Variants in FUCA1 observed in about 807,000 individuals in gnomAD.
FUCA1 encodes the protein alpha-L-fucosidase 1.
Under a neutral mutation model 56.8 loss-of-function variants are expected in FUCA1, and 52 were observed. The ratio of observed to expected loss-of-function variants is 0.92; its 90% CI spans 0.73 to 1.15. The LOEUF (loss-of-function observed/expected upper bound fraction) is 1.15, where lower values mean the gene tolerates loss of function less well. Ranked by LOEUF, FUCA1 falls within the 50% of genes most tolerant of loss-of-function variation. FUCA1 has a pLI of 0.00. For missense variants in FUCA1, 568 were observed against 592.6 expected (o/e 0.96, Z 0.43); for synonymous variants, 230 against 226.6 (o/e 1.02, Z -0.14).
chr1:23,845,362 T>C lies in FUCA1; in HGVS notation c.*353A>G, dbSNP rs1639116206. ...TGCCAAATCCTTCCACCTCCTCCCA[T>C]AGGCAACAGGGTGACTTGGCTTAAA... is the stretch of plus-strand genomic sequence containing the variant. On this transcript the variant is annotated 3_prime_UTR_variant, in exon 8 of 8. Transcript: ENST00000374479. The C allele has an allele frequency of 8.5e-6, 3 of 350,932 alleles. No individual in the cohort carries two copies. The highest frequency in any genetic ancestry group is 4.8e-5 in the South Asian group (2 of 42,004). 21.7% of individuals were successfully genotyped at this position (350,932 alleles called of 1,614,324 possible). A position where few individuals can be genotyped will look rare whatever the true frequency, so the allele number is the denominator to read the frequency against.
At position 23,867,907 on chromosome 1, in the gene FUCA1, G is replaced by A. The variant is rs1329800188; in HGVS notation, c.380C>T (p.Ala127Val). The change falls in exon 1 of 8, where the codon GCG becomes GTG. Residue 127 changes from alanine (A) to valine (V), a missense_variant. Coordinates refer to ENST00000374479, the MANE Select transcript of FUCA1 (RefSeq NM_000147.5). This position sits in a 1 kb window ranked among gnomAD's most constrained non-coding sequence, Gnocchi z 4.9. ...PEEWADLFQA[A>V]GAKYVVLTTK... is the part of the protein sequence containing the mutation. ...CCGGGACCACACTCACTTGGCGCCC[G>A]CGGCCTGGAAGAGGTCGGCCCACTC... 5 of 1,548,560 alleles carry A rather than the reference G, an allele frequency of 3.2e-6. No homozygotes were observed. The highest frequency in any genetic ancestry group is 4.4e-6 in the Non-Finnish European group (5 of 1,146,634).
chr1:23,865,647 G>C, intron 1 of FUCA1, 22 bp from the exon 2 acceptor site: 1 of 1,614,178 alleles, frequency 6.2e-7, no homozygotes, highest in Middle Eastern at 1.7e-4. Flanking sequence ...AAAACCACAT[G>C]AGCAAAGGAA....
At chr1:23,851,863 TG>T (rs961364976) in intron 5 of FUCA1, among the ~76,000 whole-genome samples, 33 of 151,706 alleles carry the variant, frequency 2.2e-4, no homozygotes, top group Admixed American at 6.6e-4. Flanking sequence ...TGTTGGAATG[TG>T]GGGGTGAGGG....
At position 23,865,528 on chromosome 1, in the gene FUCA1, C is replaced by G. The variant is rs1217305038; in HGVS notation, c.487G>C (p.Asp163His). 6.2e-7 allele frequency: 1 copy of G among 1,614,202 alleles called. No homozygotes were observed. Among genetic ancestry groups the G allele is most frequent in the Admixed American group, 1.7e-5 (1 of 60,010 alleles). ...WNSKDVGPHRDLVGELGTALR... is the reference protein window; with the variant it reads ...WNSKDVGPHRHLVGELGTALR... The stretch of plus-strand genomic sequence containing the variant: ...GCTGTTCCCAATTCACCAACCAAAT[C>G]CCGATGAGGCCCCACGTCTTTGGAG... The change falls in exon 2 of 8, where the codon GAT becomes CAT. Residue 163 changes from aspartate to histidine, a missense_variant. Coordinates refer to ENST00000374479, the MANE Select transcript of FUCA1 (RefSeq NM_000147.5).
chr1:23,865,434 G>A (rs1158318476), intron 2 of FUCA1, 57 bp downstream of exon 2: 4 of 1,611,294 alleles, frequency 2.5e-6, no homozygotes, highest in Non-Finnish European at 3.4e-6. Context: ...AGGAGGTACA[G>A]AACTCTTGAC....
In FUCA1 at chr1:23,868,008, C is replaced by T. The variant is rs1246062924; in HGVS notation, c.279G>A (p.Met93Ile). Residue 93 changes from methionine (M) to isoleucine (I), a missense_variant, in exon 1 of 8, where the codon ATG becomes ATA. Physicochemically the swap from Met to Ile is conservative, Grantham distance 10. Transcript: ENST00000374479. ...TGAAGCCGGGCGGGTAGTTGTCGCG[C>T]ATGAAGCGCTGGTACTGCGGCCGCC... ...GEGRPQYQRF[M>I]RDNYPPGFSY... 6.2e-7 allele frequency: 1 copy of T among 1,607,042 alleles called. No individual in the cohort carries two copies. The highest frequency in any genetic ancestry group is 1.3e-5 in the African/African-American group (1 of 74,850).
chr1:23,858,106 C>A (rs971448331), intron 4 of FUCA1, among the ~76,000 whole-genome samples: 16 of 151,950 alleles, frequency 1.1e-4, no homozygotes, highest in African/African-American at 3.9e-4. Flanking sequence ...ACTCTGTCGC[C>A]CAGGCTGGAG....
chr1:23,845,688 C>A lies in FUCA1; in HGVS notation c.*27G>T. ...ACTGAAGCAGGAAAACAGTGAGCAG[C>A]GCCTCTTTCTTCTTGCACTCAAATG... On this transcript the variant is annotated 3_prime_UTR_variant, in exon 8 of 8. Coordinates refer to ENST00000374479, the MANE Select transcript of FUCA1 (RefSeq NM_000147.5). The A allele has an allele frequency of 6.2e-7, 1 of 1,613,942 alleles. No homozygotes were observed. The highest frequency in any genetic ancestry group is 8.5e-7 in the Non-Finnish European group (1 of 1,179,842).
At chr1:23,857,504 T>C (rs911835949) in intron 4 of FUCA1, among the ~76,000 whole-genome samples, 22 of 151,858 alleles carry the variant, frequency 1.4e-4, no homozygotes, top group African/African-American at 4.8e-4. Context: ...AACCACTCTT[T>C]TTTTTTTTTG....
chr1:23,860,409 C>A (rs1017962615), intron 3 of FUCA1, among the ~76,000 whole-genome samples: 2 of 151,868 alleles, frequency 1.3e-5, no homozygotes, highest in East Asian at 3.9e-4. Flanking sequence ...CGGTGAAACC[C>A]CGTCTCTACT....
intron 3 of FUCA1, among the ~76,000 whole-genome samples, chr1:23,861,180 G>A (rs891441966): frequency 2.8e-4 from 43 of 151,590 alleles, no homozygotes; most frequent in Admixed American, 2.0e-3. Flanking sequence ...AAAATTAGCC[G>A]GGCATGGTGG....
rs991049814 is a variant in FUCA1 at position 23,849,575 on chromosome 1, C to CTTTTTTT, written c.970-743_970-737dup. On this transcript the variant is annotated intron_variant, in intron 5 of 7. Coordinates refer to ENST00000374479, the MANE Select transcript of FUCA1 (RefSeq NM_000147.5). ...GAAAACTGCTATAAAGAGATACGTT[C>CTTTTTTT]TTTTTTTTTTTTTTTTTTTTTTTTT... 7.0e-4 allele frequency among the ~76,000 whole-genome samples: 56 copies of CTTTTTTT among 80,266 alleles called. 2 individuals are homozygous for CTTTTTTT. Among genetic ancestry groups the CTTTTTTT allele is most frequent in the African/African-American group, 2.0e-3 (39 of 19,250 alleles). The allele number at this position is 80,266 out of a possible 152,430, so 52.7% of individuals were successfully genotyped here. A position where few individuals can be genotyped will look rare whatever the true frequency, so the allele number is the denominator to read the frequency against.
At chr1:23,857,092 C>T (rs1437766571) in intron 4 of FUCA1, among the ~76,000 whole-genome samples, 1 of 152,096 alleles carries the variant, frequency 6.6e-6, no homozygotes, top group African/African-American at 2.4e-5. Context: ...TTCCCTTTCC[C>T]AATCCTGCAT....
rs946402368 is a variant in FUCA1, at chr1:23,854,017, C to T, written c.969+343G>A. On this transcript the variant is annotated intron_variant, in intron 5 of 7. Transcript: ENST00000374479. ...CCTCCCTCCACTATTGTCCTATGACCCTGCCAAATCCCCCTCTGTGAGAAA... is the reference window on the plus strand; with the variant it reads ...CCTCCCTCCACTATTGTCCTATGACTCTGCCAAATCCCCCTCTGTGAGAAA... 2.0e-5 allele frequency among the ~76,000 whole-genome samples: 3 copies of T among 150,982 alleles called. No individual in the cohort carries two copies. The East Asian group carries it at 5.8e-4, about 29-fold the overall frequency.
intron 4 of FUCA1, among the ~76,000 whole-genome samples, chr1:23,858,504 C>T (rs1029221325): frequency 1.3e-5 from 2 of 152,138 alleles, no homozygotes; most frequent in Admixed American, 6.6e-5. Context: ...TTAGGGTTTC[C>T]GCTACTTTGC....
chr1:23,851,271 G>A (rs927809507), intron 5 of FUCA1, among the ~76,000 whole-genome samples: 3 of 152,090 alleles, frequency 2.0e-5, no homozygotes, highest in Non-Finnish European at 4.4e-5. Flanking sequence ...GGCTGAGGCA[G>A]GAGAATTGCT....
In FUCA1 at chr1:23,854,476, G is replaced by A; in HGVS notation, c.853C>T (p.Pro285Ser). ...GYYNCEDKFKPQSLPDHKWEM... is the reference protein window; with the variant it reads ...GYYNCEDKFKSQSLPDHKWEM... ...CACTTGTGATCTGGCAAGCTCTGTGGCTTGAATTTATCTTCACAGTTATAG... is the reference window on the plus strand; with the variant it reads ...CACTTGTGATCTGGCAAGCTCTGTGACTTGAATTTATCTTCACAGTTATAG... The change falls in exon 5 of 8, where the codon CCA (proline) becomes TCA (serine). Residue 285 changes from proline to serine, a missense_variant. By Grantham distance (74) the Pro-to-Ser change is moderately conservative (BLOSUM62 -1). Coordinates refer to ENST00000374479, the MANE Select transcript of FUCA1 (RefSeq NM_000147.5). 6.2e-7 allele frequency: 1 copy of A among 1,614,064 alleles called. No individual in the cohort carries two copies. The highest frequency in any genetic ancestry group is 8.5e-7 in the Non-Finnish European group (1 of 1,179,946).
intron 5 of FUCA1, among the ~76,000 whole-genome samples, chr1:23,849,246 G>A (rs765767852): frequency 6.6e-6 from 1 of 152,076 alleles, no homozygotes; most frequent in Non-Finnish European, 1.5e-5. Flanking sequence ...TTGGCCTCCC[G>A]AAGTGCTGGG....
chr1:23,853,826 G>C (rs1174218757), intron 5 of FUCA1, among the ~76,000 whole-genome samples: 1 of 151,920 alleles, frequency 6.6e-6, no homozygotes, highest in Non-Finnish European at 1.5e-5. Flanking sequence ...GATTAAGGGC[G>C]GTGCAAGATG....
Sources: gnomAD v4.1 joint callset for allele counts (sites outside exome capture counted in the v4.1 genomes callset) on GRCh38, gnomAD v4.1.1 for gene constraint, Gnocchi (gnomAD v3.1) non-coding constraint, MANE v1.5 for transcripts, NCBI Gene and HGNC (gene_info 2026-07-23, HGNC 2026-07-21) for gene names.